The following GRM7 variants were observed in gnomAD, a reference collection of about 807,000 sequenced individuals.
GRM7 encodes glutamate metabotropic receptor 7.
A neutral mutation model predicts 84.5 loss-of-function variants in GRM7; 35 were observed. That is an observed-to-expected ratio of 0.41 (90% CI 0.32 to 0.55). The LOEUF (loss-of-function observed/expected upper bound fraction) is 0.55. Ranked by LOEUF, GRM7 falls within the 20% of genes least tolerant of loss-of-function variation. The probability of loss-of-function intolerance (pLI) is 0.19; values close to 1 mark genes in which losing one functional copy is unlikely to be tolerated. For missense variants in GRM7, 1,003 were observed against 1,194.6 expected, an observed-to-expected ratio of 0.84 and a Z score of 2.36; for synonymous variants, 487 against 455.1, an observed-to-expected ratio of 1.07 and a Z score of -0.89.
At chr3:7,413,414 C>T (rs1307464015) in intron 4 of GRM7, among the ~76,000 whole-genome samples, 1 of 152,118 alleles carries the variant, frequency 6.6e-6, no homozygotes, top group African/African-American at 2.4e-5. Context: ...ATTTTTTGCC[C>T]TAGCTATAAG....
chr3:7,333,740 T>C (rs116541858), intron 4 of GRM7, among the ~76,000 whole-genome samples: 11,126 of 151,546 alleles, frequency 0.073, 441 homozygotes, highest in Non-Finnish European at 0.091. Context: ...TGAAAAAGTC[T>C]CCAGAGAAAT....
intron 5 of GRM7, among the ~76,000 whole-genome samples, chr3:7,434,718 T>C (rs1411782911): frequency 3.3e-5 from 5 of 152,184 alleles, no homozygotes; most frequent in African/African-American, 9.6e-5. Context: ...ATATTATACC[T>C]ATTTTTAATC....
chr3:7,555,395 C>G (rs564008840), intron 7 of GRM7, among the ~76,000 whole-genome samples: 2 of 152,250 alleles, frequency 1.3e-5, no homozygotes, highest in East Asian at 1.9e-4. Flanking sequence ...GAATCTCTTC[C>G]CCTAACTTTC....
chr3:7,305,191 C>A (rs1256162702), intron 3 of GRM7, among the ~76,000 whole-genome samples: 1 of 151,524 alleles, frequency 6.6e-6, no homozygotes, highest in Non-Finnish European at 1.5e-5. Flanking sequence ...GACTTTTAGT[C>A]ATTCCCTCCC....
At chr3:7,563,252 T>G (rs751930325) in intron 7 of GRM7, among the ~76,000 whole-genome samples, 1 of 152,144 alleles carries the variant, frequency 6.6e-6, no homozygotes, top group Non-Finnish European at 1.5e-5. Flanking sequence ...GCTAGTCAGA[T>G]ACAGAAGGCT....
At chr3:7,154,530 C>T (rs1025969343) in intron 2 of GRM7, among the ~76,000 whole-genome samples, 7 of 152,090 alleles carry the variant, frequency 4.6e-5, no homozygotes, top group Non-Finnish European at 8.8e-5. Context: ...TGAACTCTTT[C>T]TTTACTTGCC....
At chr3:7,614,135 C>A (rs1247616627) in intron 8 of GRM7, among the ~76,000 whole-genome samples, 1 of 152,004 alleles carries the variant, frequency 6.6e-6, no homozygotes, top group African/African-American at 2.4e-5. Flanking sequence ...CATGGTGGTG[C>A]GTACCTGTAA....
chr3:7,599,524 G>C (rs1221877496), intron 8 of GRM7, among the ~76,000 whole-genome samples: 3 of 152,102 alleles, frequency 2.0e-5, no homozygotes, highest in African/African-American at 7.2e-5. Flanking sequence ...TTCAGAAGTA[G>C]GTGTTTGTCT....
Position 7,076,195 on chromosome 3 carries a change from A to G in GRM7, c.520-70257A>G, listed in dbSNP as rs182993027. ...CATTAAGAATAATCCTAGAGCACAT[A>G]CAAATACACAATTTAAACAGACTAA... On this transcript the variant is annotated intron_variant, in intron 1 of 9. Coordinates refer to ENST00000357716, the MANE Select transcript of GRM7 (RefSeq NM_000844.4). Among the ~76,000 whole-genome samples, 532 of 152,298 alleles carry G rather than the reference A, an allele frequency of 3.5e-3. 3 individuals carry two copies. The highest frequency in any genetic ancestry group is 5.0e-3 in the Non-Finnish European group (337 of 68,022).
chr3:7,534,289 C>G (rs544650668), intron 7 of GRM7, among the ~76,000 whole-genome samples: 2 of 152,188 alleles, frequency 1.3e-5, no homozygotes, highest in African/African-American at 4.8e-5. Context: ...GCTGTGATTA[C>G]AGGCGTGAGC....
At chr3:7,657,970 A>ATGAG (rs966266647) in intron 8 of GRM7, among the ~76,000 whole-genome samples, 78 of 152,322 alleles carry the variant, frequency 5.1e-4, no homozygotes, top group African/African-American at 1.8e-3. Flanking sequence ...GCTCCTGGGT[A>ATGAG]TGAGTCTCCA....
chr3:7,631,831 C>G (rs558593800), intron 8 of GRM7, among the ~76,000 whole-genome samples: 1 of 151,954 alleles, frequency 6.6e-6, no homozygotes, highest in Non-Finnish European at 1.5e-5. Flanking sequence ...TGACCTAGGC[C>G]GTAATACAGA....
At chr3:7,552,904 T>C (rs1418639860) in intron 7 of GRM7, among the ~76,000 whole-genome samples, 1 of 152,256 alleles carries the variant, frequency 6.6e-6, no homozygotes, top group Non-Finnish European at 1.5e-5. Flanking sequence ...TATGCAAATT[T>C]CTGCAGCTGC....
At chr3:7,300,839 T>A (rs544924520) in intron 3 of GRM7, among the ~76,000 whole-genome samples, 4 of 152,302 alleles carry the variant, frequency 2.6e-5, no homozygotes, top group African/African-American at 7.2e-5. Context: ...AATGTCTGTA[T>A]TCTTCACTAG....
chr3:7,558,350 C>T (rs1056267120), intron 7 of GRM7, among the ~76,000 whole-genome samples: 4 of 140,246 alleles, frequency 2.9e-5, no homozygotes, highest in African/African-American at 5.5e-5. Context: ...TGATATACTA[C>T]GGTGAAATAA....
At chr3:6,955,964 T>C (rs1693032310) in intron 1 of GRM7, among the ~76,000 whole-genome samples, 1 of 152,190 alleles carries the variant, frequency 6.6e-6, no homozygotes, top group African/African-American at 2.4e-5. Context: ...ATGGCATAAA[T>C]TGCTTTAATC....
chr3:7,210,243 A>G (rs1466472566), intron 2 of GRM7, among the ~76,000 whole-genome samples: 1 of 152,222 alleles, frequency 6.6e-6, no homozygotes, highest in Non-Finnish European at 1.5e-5. Context: ...CAAAAGTATT[A>G]TCAGCTTAAA....
chr3:7,315,102 A>G (rs1035435602), intron 4 of GRM7, among the ~76,000 whole-genome samples: 1 of 152,180 alleles, frequency 6.6e-6, no homozygotes, highest in East Asian at 1.9e-4. Flanking sequence ...AAAGAAAACA[A>G]AACAACAACA....
chr3:7,656,984 A>G (rs1463363224), intron 8 of GRM7, among the ~76,000 whole-genome samples: 2 of 152,214 alleles, frequency 1.3e-5, no homozygotes, highest in African/African-American at 4.8e-5. Flanking sequence ...AAGTACAAAC[A>G]TATTTTTAAA....
Sources: allele counts gnomAD v4.1 joint callset (sites outside exome capture counted in the v4.1 genomes callset), GRCh38; gene constraint gnomAD v4.1.1; transcripts MANE v1.5; gene names NCBI Gene and HGNC (gene_info 2026-07-23, HGNC 2026-07-21).